The following KCNH5 variants were observed in gnomAD, a reference collection of about 807,000 sequenced individuals.
KCNH5 encodes the protein potassium voltage-gated channel subfamily H member 5.
A neutral mutation model predicts 96.1 loss-of-function variants in KCNH5; 46 were observed. That is an observed-to-expected ratio of 0.48 (90% CI 0.38 to 0.61). The LOEUF (loss-of-function observed/expected upper bound fraction) is 0.61, where lower values mean the gene tolerates loss of function less well. Ranked by LOEUF, KCNH5 falls within the 20% of genes least tolerant of loss-of-function variation. The pLI, the probability that KCNH5 is intolerant of heterozygous loss-of-function variation, is 0.00. For synonymous variants in KCNH5, 439 were observed against 449.8 expected, an observed-to-expected ratio of 0.98 and a Z score of 0.30; for missense variants, 907 against 1,225.8, an observed-to-expected ratio of 0.74 and a Z score of 3.88.
At chr14:62,947,348 A>G (rs569925457) in intron 7 of KCNH5, among the ~76,000 whole-genome samples, 6 of 152,256 alleles carry the variant, frequency 3.9e-5, no homozygotes, top group African/African-American at 1.4e-4. Flanking sequence ...ATACGTAGGT[A>G]TCCATTTAAT....
chr14:62,928,469 G>A (rs367856189), intron 7 of KCNH5, among the ~76,000 whole-genome samples: 2 of 152,104 alleles, frequency 1.3e-5, no homozygotes, highest in African/African-American at 4.8e-5. Flanking sequence ...AATGAGCCAG[G>A]CATTATTTGG....
intron 4 of KCNH5, among the ~76,000 whole-genome samples, chr14:62,993,437 C>A (rs542209391): frequency 2.0e-5 from 3 of 151,848 alleles, no homozygotes; most frequent in African/African-American, 7.2e-5. Context: ...GCCTTCAGTT[C>A]CCCTTCTCTC....
intron 8 of KCNH5, among the ~76,000 whole-genome samples, chr14:62,830,579 C>A (rs141857111): frequency 3.9e-5 from 6 of 152,108 alleles, no homozygotes; most frequent in Non-Finnish European, 8.8e-5. Flanking sequence ...TTTAAACCAT[C>A]GGATCTTGTG....
At chr14:63,040,821 T>TA (rs1891809709) in intron 1 of KCNH5, among the ~76,000 whole-genome samples, 2 of 151,842 alleles carry the variant, frequency 1.3e-5, no homozygotes, top group African/African-American at 4.8e-5. Flanking sequence ...GATAGCTGAG[T>TA]AAAAAAAGTG....
At chr14:62,882,204 CA>C in intron 7 of KCNH5, among the ~76,000 whole-genome samples, 1 of 150,902 alleles carries the variant, frequency 6.6e-6, no homozygotes, top group South Asian at 2.1e-4. Flanking sequence ...TTCAAGGCTG[CA>C]GTGAGCTAGA....
At chr14:62,980,432 G>A (rs1479979352) in intron 6 of KCNH5, among the ~76,000 whole-genome samples, 1 of 152,184 alleles carries the variant, frequency 6.6e-6, no homozygotes, top group Non-Finnish European at 1.5e-5. Flanking sequence ...ATCTGTGAAT[G>A]AGTAGTTTTC....
At chr14:62,830,141 C>T (rs1887312303) in intron 8 of KCNH5, among the ~76,000 whole-genome samples, 1 of 152,196 alleles carries the variant, frequency 6.6e-6, no homozygotes, top group African/African-American at 2.4e-5. Flanking sequence ...ATTTCCTCAT[C>T]TTCATCTAAG....
At chr14:62,992,845 T>A (rs1221306254) in intron 4 of KCNH5, among the ~76,000 whole-genome samples, 1 of 152,096 alleles carries the variant, frequency 6.6e-6, no homozygotes, top group Non-Finnish European at 1.5e-5. Context: ...TGTTTTCATT[T>A]TTGTTGCCTC....
chr14:62,853,680 G>A (rs1033803674), intron 7 of KCNH5, among the ~76,000 whole-genome samples: 1 of 151,066 alleles, frequency 6.6e-6, no homozygotes, highest in East Asian at 2.0e-4. Context: ...TCCTCACTTG[G>A]TCTGTTTCCG....
At chr14:62,859,625 G>A (rs569796367) in intron 7 of KCNH5, among the ~76,000 whole-genome samples, 1 of 152,298 alleles carries the variant, frequency 6.6e-6, no homozygotes, top group South Asian at 2.1e-4. Context: ...CCAAACCACT[G>A]GCTACAGCCC....
intron 7 of KCNH5, among the ~76,000 whole-genome samples, chr14:62,923,517 C>A (rs1889417322): frequency 6.6e-6 from 1 of 151,866 alleles, no homozygotes; most frequent in Non-Finnish European, 1.5e-5. Context: ...CTAAAGCAAT[C>A]TTGTGCAAAA....
At chr14:62,894,894 G>A (rs1214582776) in intron 7 of KCNH5, among the ~76,000 whole-genome samples, 1 of 152,082 alleles carries the variant, frequency 6.6e-6, no homozygotes, top group African/African-American at 2.4e-5. Flanking sequence ...AACTCTAAAT[G>A]AATACATTCC....
intron 7 of KCNH5, among the ~76,000 whole-genome samples, chr14:62,895,021 A>G (rs927725494): frequency 2.6e-5 from 4 of 152,234 alleles, no homozygotes; most frequent in Non-Finnish European, 1.5e-5. Context: ...TAATGAAAGG[A>G]GAGTTGACAT....
At chr14:62,982,008 T>C (rs189316508) in intron 5 of KCNH5, among the ~76,000 whole-genome samples, 36 of 151,786 alleles carry the variant, frequency 2.4e-4, no homozygotes, top group African/African-American at 7.2e-4. Context: ...AGAGCAAGAG[T>C]AGAGGTTTGT....
chr14:62,805,232 T>C (rs931739371), intron 8 of KCNH5, among the ~76,000 whole-genome samples: 5 of 152,198 alleles, frequency 3.3e-5, no homozygotes, highest in Non-Finnish European at 7.3e-5. Context: ...ATAATGTTTT[T>C]CAGGATTCAT....
At chr14:62,901,971 T>A (rs1315892577) in intron 7 of KCNH5, among the ~76,000 whole-genome samples, 2 of 152,230 alleles carry the variant, frequency 1.3e-5, no homozygotes, top group African/African-American at 4.8e-5. Flanking sequence ...TCTCTGATGA[T>A]CAGAGGTGTG....
intron 7 of KCNH5, among the ~76,000 whole-genome samples, chr14:62,902,264 G>C (rs1462293695): frequency 6.6e-6 from 1 of 151,024 alleles, no homozygotes; most frequent in African/African-American, 2.4e-5. Flanking sequence ...TTCTTTTGAG[G>C]ACTTACTCAT....
chr14:62,962,591 T>C (rs2139544789), intron 6 of KCNH5, among the ~76,000 whole-genome samples: 1 of 152,150 alleles, frequency 6.6e-6, no homozygotes, highest in African/African-American at 2.4e-5. Context: ...TCATCAGAAG[T>C]GCTAACAAAT....
At chr14:62,949,578 C>T (rs577970299) in intron 7 of KCNH5, among the ~76,000 whole-genome samples, 6 of 152,248 alleles carry the variant, frequency 3.9e-5, no homozygotes, top group African/African-American at 1.4e-4. Context: ...CTAGACACTT[C>T]TCATTGCTGA....
Sources: gnomAD v4.1 joint callset for allele counts (sites outside exome capture counted in the v4.1 genomes callset) on GRCh38, gnomAD v4.1.1 for gene constraint, MANE v1.5 for transcripts, NCBI Gene and HGNC (gene_info 2026-07-23, HGNC 2026-07-21) for gene names.